The following ADCY1 variants were observed in gnomAD, a reference collection of about 807,000 sequenced individuals.
The protein encoded by ADCY1 is adenylate cyclase 1, also known as adenylate cyclase type 1.
A neutral mutation model predicts 105.4 loss-of-function variants in ADCY1; 28 were observed. That is an observed-to-expected ratio of 0.27 (90% CI 0.20 to 0.36). The LOEUF (loss-of-function observed/expected upper bound fraction) is 0.36. Among genes scored for constraint, ADCY1 ranks in the 10% least tolerant of loss-of-function variants. ADCY1 has a pLI of 1.00. For synonymous variants in ADCY1, 655 were observed against 623.8 expected (o/e 1.05, Z -0.75); for missense variants, 977 against 1,434.2 (o/e 0.68, Z 5.15).
At position 45,703,575 on chromosome 7, in the gene ADCY1, C is replaced by T. The variant is rs768114178; in HGVS notation, c.2572-25C>T. ...CTTGGCGCTCACCTGGCTGACCCTT[C>T]CTGACCCATCCTTTGAACTTCCAGG... On this transcript the variant is annotated intron_variant, in intron 15 of 19. Coordinates refer to ENST00000297323, the MANE Select transcript of ADCY1 (RefSeq NM_021116.4). This position sits in a 1 kb window ranked among gnomAD's most constrained non-coding sequence, Gnocchi z 5.9. 11 of 1,611,744 alleles carry T rather than the reference C, an allele frequency of 6.8e-6. No individual in the cohort carries two copies. In the Admixed American group the frequency reaches 1.8e-4, roughly 27 times the overall value.
intron 4 of ADCY1, among the ~76,000 whole-genome samples, chr7:45,638,799 G>A (rs1465081478): frequency 2.6e-5 from 4 of 152,154 alleles, no homozygotes; most frequent in Admixed American, 2.0e-4. Context: ...GCAGGAAAGA[G>A]CTACCTTTCC....
intron 14 of ADCY1, among the ~76,000 whole-genome samples, chr7:45,699,809 C>T (rs1301031388): frequency 1.3e-5 from 2 of 152,144 alleles, no homozygotes; most frequent in Admixed American, 6.5e-5. Flanking sequence ...TCAGATAGGA[C>T]GAGTTCTCTT....
chr7:45,645,859 GT>G (rs1794649361), intron 4 of ADCY1, among the ~76,000 whole-genome samples: 1 of 152,128 alleles, frequency 6.6e-6, no homozygotes, highest in Non-Finnish European at 1.5e-5. Context: ...CCAGCAGCCA[GT>G]GGGCATTGTG....
Position 45,708,724 on chromosome 7 carries a change from G to A in ADCY1, c.2932+260G>A, listed in dbSNP as rs539965890. ...TAGAAATCTTGATTGTCCTGGAGAC[G>A]TTCAGATGCTCCTCCAAGTCCACAC... On this transcript the variant is annotated intron_variant, in intron 18 of 19. Transcript: ENST00000297323. The surrounding 1 kb of genome is among the most constrained non-coding windows in gnomAD (Gnocchi z 4.7). 2.0e-5 allele frequency among the ~76,000 whole-genome samples: 3 copies of A among 152,330 alleles called. No homozygotes were observed. The highest frequency in any genetic ancestry group is 2.4e-5 in the African/African-American group (1 of 41,592).
intron 6 of ADCY1, among the ~76,000 whole-genome samples, chr7:45,658,678 G>C (rs1795007662): frequency 6.6e-6 from 1 of 152,238 alleles, no homozygotes; most frequent in Admixed American, 6.5e-5. Context: ...CTTCATTGCT[G>C]ATGGAATGGA....
chr7:45,707,790 A>G (rs899128520), intron 17 of ADCY1, among the ~76,000 whole-genome samples: 1 of 152,236 alleles, frequency 6.6e-6, no homozygotes, highest in African/African-American at 2.4e-5. Flanking sequence ...TAATCTGCTC[A>G]ACTTACCTAT....
In ADCY1 at chr7:45,686,295, T is replaced by G. The variant is rs557199348; in HGVS notation, c.2327+80T>G. ...TGTATACAGATATGCACTACAGGCT[T>G]CTGAGTCCAGAACTAGTCAAGTTGA... On this transcript the variant is annotated intron_variant, in intron 13 of 19. Coordinates refer to ENST00000297323, the MANE Select transcript of ADCY1 (RefSeq NM_021116.4). The surrounding 1 kb of genome is among the most constrained non-coding windows in gnomAD (Gnocchi z 4.3). The G allele has an allele frequency of 1.6e-4, 251 of 1,535,744 alleles. No homozygotes were observed. In the African/African-American group the frequency reaches 3.2e-3, roughly 19 times the overall value.
intron 4 of ADCY1, among the ~76,000 whole-genome samples, chr7:45,632,982 A>G (rs1278043055): frequency 6.6e-6 from 1 of 152,104 alleles, no homozygotes; most frequent in Admixed American, 6.5e-5. Flanking sequence ...CAGTGGTGTG[A>G]TCTTGGCTCA....
At chr7:45,649,246 C>T (rs1054877518) in intron 5 of ADCY1, among the ~76,000 whole-genome samples, 1 of 152,138 alleles carries the variant, frequency 6.6e-6, no homozygotes, top group Non-Finnish European at 1.5e-5. Flanking sequence ...GGCTTGGGAT[C>T]GGGGCAGGTG....
At chr7:45,643,849 G>T (rs1454330044) in intron 4 of ADCY1, among the ~76,000 whole-genome samples, 1 of 152,096 alleles carries the variant, frequency 6.6e-6, no homozygotes. Flanking sequence ...AACTGTTCCT[G>T]GAGAGTGCTT....
At chr7:45,651,063 G>C (rs1390558226) in intron 5 of ADCY1, among the ~76,000 whole-genome samples, 5 of 152,110 alleles carry the variant, frequency 3.3e-5, no homozygotes, top group Non-Finnish European at 7.4e-5. Flanking sequence ...GTCTACCCTA[G>C]TGCCAGGGGC....
At chr7:45,602,669 G>A (rs1793271436) in intron 2 of ADCY1, among the ~76,000 whole-genome samples, 3 of 152,068 alleles carry the variant, frequency 2.0e-5, no homozygotes, top group South Asian at 2.1e-4. Context: ...AACAACTACC[G>A]TTGTGATTTA....
At chr7:45,608,236 G>C (rs1354598280) in intron 2 of ADCY1, among the ~76,000 whole-genome samples, 3 of 152,172 alleles carry the variant, frequency 2.0e-5, no homozygotes, top group Non-Finnish European at 4.4e-5. Context: ...TTGGCTCCTT[G>C]TATGTCTTCT....
At position 45,686,562 on chromosome 7, in the gene ADCY1, C is replaced by G. The variant is rs747844414; in HGVS notation, c.2343C>G (p.Ser781=). ...CTTCCCCCAGGGGTGGTGCCGTCTC[C>G]GGGCGCAGCTACGAGCCGATTGTGG... ...GYTRTGGGAV[S]GRSYEPIVAI... is the part of the protein sequence containing the mutation. Residue 781 remains serine, a synonymous_variant, in exon 14 of 20, where the codon TCC becomes TCG. Coordinates refer to ENST00000297323, the MANE Select transcript of ADCY1 (RefSeq NM_021116.4). This position sits in a 1 kb window ranked among gnomAD's most constrained non-coding sequence, Gnocchi z 4.3. The G allele has an allele frequency of 2.5e-6, 4 of 1,611,464 alleles. No homozygotes were observed. The highest frequency in any genetic ancestry group is 2.5e-6 in the Non-Finnish European group (3 of 1,178,270).
intron 2 of ADCY1, among the ~76,000 whole-genome samples, chr7:45,597,216 G>T (rs1793100619): frequency 6.6e-6 from 1 of 152,212 alleles, no homozygotes; most frequent in South Asian, 2.1e-4. Flanking sequence ...TTTGTTCTGG[G>T]ATGGGAACTG....
At chr7:45,657,687 A>C (rs779842543) in intron 5 of ADCY1, 40 bp from the exon 6 acceptor site, 1 of 1,590,746 alleles carries the variant, frequency 6.3e-7, no homozygotes, top group Non-Finnish European at 8.6e-7. Context: ...GGGAGGATAC[A>C]AGGTGGGCCC....
Position 45,686,546 on chromosome 7 carries a change from G to C in ADCY1, c.2328-1G>C. On this transcript the variant is annotated splice_acceptor_variant, in intron 13 of 19. Transcript: ENST00000297323. LOFTEE classifies it high-confidence loss of function. The surrounding 1 kb of genome is among the most constrained non-coding windows in gnomAD (Gnocchi z 4.3). ...GGCTTTTCTTCCTCATCTTCCCCCA[G>C]GGGTGGTGCCGTCTCCGGGCGCAGC... 6.2e-7 allele frequency: 1 copy of C among 1,609,624 alleles called. No homozygotes were observed. Among genetic ancestry groups the C allele is most frequent in the South Asian group, 1.1e-5 (1 of 90,558 alleles).
At chr7:45,652,910 C>A (rs1794848637) in intron 5 of ADCY1, among the ~76,000 whole-genome samples, 1 of 152,238 alleles carries the variant, frequency 6.6e-6, no homozygotes, top group Admixed American at 6.5e-5. Context: ...TGGGGCATCT[C>A]CAAGGCTCTG....
intron 6 of ADCY1, among the ~76,000 whole-genome samples, chr7:45,658,862 G>T (rs1266412883): frequency 6.6e-6 from 1 of 152,224 alleles, no homozygotes; most frequent in South Asian, 2.1e-4. Flanking sequence ...AGCAGCAAGG[G>T]TTGAGGCTTG....
Sources: allele counts gnomAD v4.1 joint callset (sites outside exome capture counted in the v4.1 genomes callset), GRCh38; gene constraint gnomAD v4.1.1; non-coding constraint Gnocchi (gnomAD v3.1); transcripts MANE v1.5; gene names NCBI Gene and HGNC (gene_info 2026-07-23, HGNC 2026-07-21).